Variants in SAMMSON observed in about 807,000 individuals in gnomAD.
SAMMSON encodes the protein long intergenic non-protein coding RNA 1212.
At chr3:70,267,497 G>C (rs1373906493) in intron 6 of SAMMSON, among the ~76,000 whole-genome samples, 5 of 145,760 alleles carry the variant, frequency 3.4e-5, no homozygotes, top group Admixed American at 1.4e-4. Context: ...CCGCCTCCTG[G>C]GCTCACGCCC....
chr3:70,394,376 A>G (rs1701074735), downstream of SAMMSON, among the ~76,000 whole-genome samples: 1 of 152,080 alleles, frequency 6.6e-6, no homozygotes, highest in African/African-American at 2.4e-5. Flanking sequence ...CGTGGCCTTG[A>G]CATGCCATAT....
chr3:70,227,860 G>C (rs1326886417), intron 4 of SAMMSON, among the ~76,000 whole-genome samples: 1 of 152,160 alleles, frequency 6.6e-6, no homozygotes, highest in Non-Finnish European at 1.5e-5. Context: ...GCAGAGCTGG[G>C]ATTTGAATAC....
intron 4 of SAMMSON, chr3:70,137,572 T>C (rs546847501): frequency 7.9e-5 from 12 of 152,190 alleles, no homozygotes; most frequent in African/African-American, 2.9e-4. Context: ...AAACCTAAAA[T>C]ATTTCCTTTC....
rs374736996 is a variant in SAMMSON at position 70,037,738 on chromosome 3, A to G, written n.417+24066A>G. Among the ~76,000 whole-genome samples the G allele has an allele frequency of 4.5e-4, 69 of 152,142 alleles. 1 individual carries two copies. The highest frequency in any genetic ancestry group is 1.5e-3 in the African/African-American group (64 of 41,518). ...GCAGACATTACTAGTTGATTACAGC[A>G]CTCTTTCCAGTTGAGCTGGAATACA... On this transcript the variant is annotated intron_variant and non_coding_transcript_variant, in intron 3 of 9. Transcript: ENST00000642114.
chr3:70,078,565 G>C (rs910365540), intron 4 of SAMMSON, among the ~76,000 whole-genome samples: 2 of 152,080 alleles, frequency 1.3e-5, no homozygotes, highest in Non-Finnish European at 2.9e-5. Flanking sequence ...TTTTCAGTGT[G>C]GTTACCTCGA....
At position 70,259,055 on chromosome 3, in the gene SAMMSON, CT is replaced by C. The variant is rs1304986789; in HGVS notation, n.674+9387del. On this transcript the variant is annotated intron_variant and non_coding_transcript_variant, in intron 6 of 9. Transcript: ENST00000642114. ...ATTAGAGAAAGATACAGTTGATGTG[CT>C]TATCAGGTCAGTTTGCTCATTGAAA... Among the ~76,000 whole-genome samples, 7 of 152,228 alleles carry C rather than the reference CT, an allele frequency of 4.6e-5. No individual in the cohort carries two copies. In the East Asian group the frequency reaches 1.4e-3, roughly 29 times the overall value.
intron 7 of SAMMSON, among the ~76,000 whole-genome samples, chr3:70,325,829 T>C (rs767921974): frequency 4.6e-5 from 7 of 152,164 alleles, no homozygotes; most frequent in Non-Finnish European, 7.4e-5. Context: ...AAGTCTTGTC[T>C]GAACTACCAG....
At chr3:70,046,667 T>C (rs2067128019) in intron 3 of SAMMSON, among the ~76,000 whole-genome samples, 1 of 152,154 alleles carries the variant, frequency 6.6e-6, no homozygotes, top group African/African-American at 2.4e-5. Context: ...CAAACTACTG[T>C]AAACCCTGCA....
At chr3:70,295,728 A>G (rs532321910) in intron 7 of SAMMSON, among the ~76,000 whole-genome samples, 1 of 152,288 alleles carries the variant, frequency 6.6e-6, no homozygotes, top group African/African-American at 2.4e-5. Flanking sequence ...AAATACTACA[A>G]TGCAAATATT....
intron 1 of SAMMSON, among the ~76,000 whole-genome samples, chr3:70,010,545 C>T (rs2066949565): frequency 6.6e-6 from 1 of 152,092 alleles, no homozygotes; most frequent in African/African-American, 2.4e-5. Flanking sequence ...TCACTGATGT[C>T]ATTCTTGTGT....
intron 3 of SAMMSON, among the ~76,000 whole-genome samples, chr3:70,066,119 G>A (rs1388790162): frequency 1.3e-5 from 2 of 151,942 alleles, no homozygotes; most frequent in Non-Finnish European, 2.9e-5. Context: ...ATGGTGCCTC[G>A]GGTTGCCAAG....
intron 4 of SAMMSON, among the ~76,000 whole-genome samples, chr3:70,114,173 G>T (rs1431956796): frequency 6.6e-6 from 1 of 152,150 alleles, no homozygotes; most frequent in Non-Finnish European, 1.5e-5. Flanking sequence ...ACCTTGAGTA[G>T]CCTCTGATTC....
intron 4 of SAMMSON, among the ~76,000 whole-genome samples, chr3:70,079,227 C>T (rs2067259371): frequency 6.6e-6 from 1 of 152,178 alleles, no homozygotes; most frequent in African/African-American, 2.4e-5. Flanking sequence ...TGCTTAACTT[C>T]CATGAGTGGT....
chr3:70,135,944 GT>G (rs10662195), intron 4 of SAMMSON, among the ~76,000 whole-genome samples: 1 of 146,790 alleles, frequency 6.8e-6, no homozygotes, highest in African/African-American at 2.5e-5. Flanking sequence ...TTCTCTAAGT[GT>G]TTTTTTTTTT....
intron 3 of SAMMSON, among the ~76,000 whole-genome samples, chr3:70,063,880 G>T (rs573832772): frequency 7.9e-5 from 12 of 152,092 alleles, no homozygotes; most frequent in Non-Finnish European, 1.6e-4. Flanking sequence ...CATATCTTAA[G>T]TATCATTAGC....
chr3:70,254,433 G>C (rs1701796205), intron 6 of SAMMSON, among the ~76,000 whole-genome samples: 1 of 152,076 alleles, frequency 6.6e-6, no homozygotes, highest in Admixed American at 6.5e-5. Flanking sequence ...GAAATAACAT[G>C]ATCCATTTTA....
At chr3:70,403,806 A>G (rs1701159165) in intron 2 of SAMMSON, among the ~76,000 whole-genome samples, 1 of 152,156 alleles carries the variant, frequency 6.6e-6, no homozygotes, top group African/African-American at 2.4e-5. Flanking sequence ...GATGTACACA[A>G]ATATGTGTAT....
At chr3:70,072,546 G>A (rs9837453) in intron 4 of SAMMSON, 1 of 148,824 alleles carries the variant, frequency 6.7e-6, no homozygotes. Context: ...ACCACGGAGA[G>A]AAGAGGGGAT....
chr3:70,089,665 G>A (rs1464876542), intron 4 of SAMMSON, among the ~76,000 whole-genome samples: 1 of 151,978 alleles, frequency 6.6e-6, no homozygotes, highest in Non-Finnish European at 1.5e-5. Context: ...CTACCTCTTT[G>A]GGTTATTTTG....
Sources: allele counts gnomAD v4.1 joint callset (sites outside exome capture counted in the v4.1 genomes callset), GRCh38; gene constraint gnomAD v4.1.1; transcripts MANE v1.5; gene names NCBI Gene and HGNC (gene_info 2026-07-23, HGNC 2026-07-21).